GBP1: variants seen among roughly 807,000 people sequenced by gnomAD.
GBP1 encodes guanylate binding protein 1.
Under a neutral mutation model 69.5 loss-of-function variants are expected in GBP1, and 64 were observed. That is an observed-to-expected ratio of 0.92 (90% CI 0.75 to 1.13). The LOEUF is 1.13. GBP1 is among the 50% of genes most tolerant of loss of function. The probability of loss-of-function intolerance (pLI) is 0.00; values close to 1 mark genes in which losing one functional copy is unlikely to be tolerated. For missense variants in GBP1, 630 were observed against 704.1 expected, an observed-to-expected ratio of 0.89 and a Z score of 1.19; for synonymous variants, 250 against 261.2, an observed-to-expected ratio of 0.96 and a Z score of 0.41.
At chr1:89,058,815 A>G in intron 5 of GBP1, 26 bp downstream of exon 5, 1 of 1,610,178 alleles carries the variant, frequency 6.2e-7, no homozygotes, top group Non-Finnish European at 8.5e-7. Context: ...TCTCATCCTC[A>G]TTTATCAGTT....
At chr1:89,061,101 T>A (rs1680185787) in intron 2 of GBP1, among the ~76,000 whole-genome samples, 1 of 152,208 alleles carries the variant, frequency 6.6e-6, no homozygotes, top group African/African-American at 2.4e-5. Flanking sequence ...ATTCTTAAGA[T>A]GTCACTACTA....
At chr1:89,059,094 A>G (rs1430355886) in intron 4 of GBP1, 51 bp from the exon 5 acceptor site, 1 of 1,610,790 alleles carries the variant, frequency 6.2e-7, no homozygotes, top group South Asian at 1.1e-5. Flanking sequence ...ACCTCATCCC[A>G]TGTTAGTTCA....
chr1:89,053,695 G>A (rs1007767688), intron 10 of GBP1, among the ~76,000 whole-genome samples: 7 of 152,154 alleles, frequency 4.6e-5, no homozygotes, highest in African/African-American at 1.7e-4. Flanking sequence ...ATCTCATAAG[G>A]TGTATGAATC....
In GBP1 at chr1:89,053,395, T is replaced by C; in HGVS notation, c.1739A>G (p.Gln580Arg). The change falls in exon 11 of 11, where the codon CAG becomes CGG. Residue 580 changes from glutamine to arginine, a missense_variant. Coordinates refer to ENST00000370473, the MANE Select transcript of GBP1 (RefSeq NM_002053.3). ...TGCCTTTCGTCGTCTCATTTTCGTC[T>C]GGAGATCCTGTATCTCATTTTTCAT... The part of the protein sequence containing the change: ...RIMKNEIQDL[Q>R]TKMRRRKACT... 1 of 1,613,888 alleles carries C rather than the reference T, an allele frequency of 6.2e-7. No homozygotes were observed. The highest frequency in any genetic ancestry group is 8.5e-7 in the Non-Finnish European group (1 of 1,180,020).
chr1:89,060,671 A>G (rs1680156499), intron 2 of GBP1, among the ~76,000 whole-genome samples: 1 of 152,236 alleles, frequency 6.6e-6, no homozygotes. Context: ...TACTTTTGTC[A>G]ATTGCATTCC....
At chr1:89,059,529 TTC>T in intron 3 of GBP1, 103 bp from the exon 4 acceptor site, 1 of 1,192,398 alleles carries the variant, frequency 8.4e-7, no homozygotes, top group Non-Finnish European at 1.1e-6. Flanking sequence ...GGGTTTTTTT[TTC>T]TTTTCTTTTT....
intron 10 of GBP1, 110 bp from the exon 11 acceptor site, chr1:89,053,578 C>T (rs1473838262): frequency 5.3e-5 from 78 of 1,476,154 alleles, no homozygotes; most frequent in Non-Finnish European, 6.8e-5. Context: ...CTGAGTCACG[C>T]AAGACGTAAA....
intron 7 of GBP1, 70 bp downstream of exon 7, chr1:89,056,784 A>G (rs1233713601): frequency 6.7e-7 from 1 of 1,495,484 alleles, no homozygotes; most frequent in Non-Finnish European, 9.1e-7. Flanking sequence ...AAAATAAATA[A>G]TAGTTTTCTT....
rs781321421 is a variant in GBP1 at position 89,059,361 on chromosome 1, G to T, written c.384C>A (p.Tyr128Ter). The change falls in exon 4 of 11, where the codon TAC (tyrosine) becomes TAA (stop). Residue 128 changes from tyrosine (Y) to a stop codon, truncating the protein, a stop_gained. Transcript: ENST00000370473. LOFTEE classifies it high-confidence loss of function. ...GCTGGTTGATGGTTCCTATGCTATT[G>T]TACACGAAGGTGCTGCTCAGGAGGA... ...LAVLLSSTFV[Y>*]NSIGTINQQA... is the part of the protein sequence containing the mutation. The T allele has an allele frequency of 6.2e-7, 1 of 1,614,008 alleles. No individual in the cohort carries two copies. Among genetic ancestry groups the T allele is most frequent in the Admixed American group, 1.7e-5 (1 of 60,014 alleles).
rs776393225 is a variant in GBP1 at position 89,063,112 on chromosome 1, C to T, written c.123G>A (p.Val41=). The T allele has an allele frequency of 8.1e-6, 13 of 1,614,104 alleles. No homozygotes were observed. In the East Asian group the frequency reaches 2.0e-4, roughly 25 times the overall value. ...CTGTGCGGTAGAGGCCCACAATTGC[C>T]ACCACCACCATAGGCTGTGTAATGG... is the stretch of plus-strand genomic sequence containing the variant. ...LSAITQPMVV[V]AIVGLYRTGK... Residue 41 remains valine, a synonymous_variant, in exon 2 of 11, where the codon GTG becomes GTA. Transcript: ENST00000370473.
At position 89,057,098 on chromosome 1, in the gene GBP1, A is replaced by G; in HGVS notation, c.911T>C (p.Ile304Thr). 6.2e-7 allele frequency: 1 copy of G among 1,614,264 alleles called. No individual in the cohort carries two copies. Among genetic ancestry groups the G allele is most frequent in the Non-Finnish European group, 8.5e-7 (1 of 1,180,052 alleles). The change falls in exon 7 of 11, where the codon ATC becomes ACC. Residue 304 changes from isoleucine to threonine, a missense_variant. Physicochemically the swap from Ile to Thr is moderately conservative, Grantham distance 89. Coordinates refer to ENST00000370473, the MANE Select transcript of GBP1 (RefSeq NM_002053.3). ...ESLVLTYVNAISSGDLPCMEN... is the reference protein window; with the variant it reads ...ESLVLTYVNATSSGDLPCMEN... The stretch of plus-strand genomic sequence containing the variant: ...CATGCACGGCAGATCCCCACTGCTG[A>G]TGGCATTGACGTAGGTCAGCACCAG...
At position 89,056,908 on chromosome 1, in the gene GBP1, G is replaced by GA; in HGVS notation, c.1100dup (p.Phe368LeufsTer27). ...CATCTTTGAAGGAACTCCTGATGAA[G>GA]ACTTCAATGGCCTCTCTCTCACTGT... is the stretch of plus-strand genomic sequence containing the variant. On this transcript the variant is annotated frameshift_variant, in exon 7 of 11. Transcript: ENST00000370473. LOFTEE classifies it high-confidence loss of function. 1 of 1,614,206 alleles carries GA rather than the reference G, an allele frequency of 6.2e-7. No individual in the cohort carries two copies. The highest frequency in any genetic ancestry group is 1.1e-5 in the South Asian group (1 of 91,088).
chr1:89,059,917 A>T (rs1406205391), intron 3 of GBP1, among the ~76,000 whole-genome samples: 1 of 152,248 alleles, frequency 6.6e-6, no homozygotes, highest in Non-Finnish European at 1.5e-5. Flanking sequence ...TTTAAAGATT[A>T]GAATGCTGAG....
chr1:89,052,540 A>T lies in GBP1; in HGVS notation c.*815T>A, dbSNP rs1405441546. 1.3e-5 allele frequency: 2 copies of T among 152,236 alleles called. No homozygotes were observed. The highest frequency in any genetic ancestry group is 4.8e-5 in the African/African-American group (2 of 41,462). The allele number at this position is 152,236 out of a possible 1,614,324, so 9.4% of individuals were successfully genotyped here. A position where few individuals can be genotyped will look rare whatever the true frequency, so the allele number is the denominator to read the frequency against. On this transcript the variant is annotated 3_prime_UTR_variant, in exon 11 of 11. Transcript: ENST00000370473. ...AGAAAAGACTATCATAAGCTTTAAC[A>T]TTCTAAATAATAAGTAATTGAATTA...
intron 7 of GBP1, 130 bp from the exon 8 acceptor site, chr1:89,056,358 A>G (rs1680045750): frequency 6.8e-7 from 1 of 1,469,640 alleles, no homozygotes; most frequent in African/African-American, 1.4e-5. Flanking sequence ...CCTCACCAGG[A>G]CCACACTCTT....
At position 89,053,205 on chromosome 1, in the gene GBP1, C is replaced by T; in HGVS notation, c.*150G>A. ...GTCTTTTTTTTTTTTTAAGAAAAAA[C>T]ATGATTTTGATCATTGTACCACATG... On this transcript the variant is annotated 3_prime_UTR_variant, in exon 11 of 11. Coordinates refer to ENST00000370473, the MANE Select transcript of GBP1 (RefSeq NM_002053.3). 1 of 425,924 alleles carries T rather than the reference C, an allele frequency of 2.3e-6. No homozygotes were observed. Among genetic ancestry groups the T allele is most frequent in the Non-Finnish European group, 4.1e-6 (1 of 242,674 alleles). The allele number at this position is 425,924 out of a possible 1,614,324, so 26.4% of individuals were successfully genotyped here.
rs1382009765 is a variant in GBP1, at chr1:89,052,682, A to G, written c.*673T>C. Reference sequence around the variant, plus strand: ...TGTTTAATCCAGTGTCAATTGTCTAATGGTCTAAAGTGTCCCATTGAAGTT... The same window carrying G: ...TGTTTAATCCAGTGTCAATTGTCTAGTGGTCTAAAGTGTCCCATTGAAGTT... On this transcript the variant is annotated 3_prime_UTR_variant, in exon 11 of 11. Transcript: ENST00000370473. The G allele has an allele frequency of 6.6e-6, 1 of 152,216 alleles. No homozygotes were observed. Among genetic ancestry groups the G allele is most frequent in the Non-Finnish European group, 1.5e-5 (1 of 68,036 alleles). The allele number at this position is 152,216 out of a possible 1,614,324, so 9.4% of individuals were successfully genotyped here. A position where few individuals can be genotyped will look rare whatever the true frequency, so the allele number is the denominator to read the frequency against.
intron 3 of GBP1, among the ~76,000 whole-genome samples, 187 bp from the exon 4 acceptor site, chr1:89,059,613 C>G (rs907013107): frequency 1.4e-4 from 20 of 141,878 alleles, no homozygotes; most frequent in African/African-American, 5.3e-4. Flanking sequence ...TAGGATGTGG[C>G]TTTTGGGTAG....
Position 89,055,147 on chromosome 1 carries a change from G to C in GBP1, c.1437C>G (p.Asp479Glu), listed in dbSNP as rs1462348498. ...CCTTTTCTTTTTCTGTGAGAGTCTG[G>C]TCTGTCTGGAGAATTGCATCAGTCA... ...ESMTDAILQT[D>E]QTLTEKEKEI... The change falls in exon 9 of 11, where the codon GAC becomes GAG. Residue 479 changes from aspartate to glutamate, a missense_variant. Coordinates refer to ENST00000370473, the MANE Select transcript of GBP1 (RefSeq NM_002053.3). 1 of 1,612,188 alleles carries C rather than the reference G, an allele frequency of 6.2e-7. No individual in the cohort carries two copies. Among genetic ancestry groups the C allele is most frequent in the Admixed American group, 1.7e-5 (1 of 59,450 alleles).
Sources: gnomAD v4.1 joint callset for allele counts (sites outside exome capture counted in the v4.1 genomes callset) on GRCh38, gnomAD v4.1.1 for gene constraint, MANE v1.5 for transcripts, NCBI Gene and HGNC (gene_info 2026-07-23, HGNC 2026-07-21) for gene names.